Variants in RNF152 observed in about 807,000 individuals in gnomAD.
The protein encoded by RNF152 is ring finger protein 152, also known as E3 ubiquitin-protein ligase RNF152.
A neutral mutation model predicts 12.7 loss-of-function variants in RNF152; 11 were observed. The observed-to-expected ratio is 0.86, with a 90% CI of 0.54 to 1.43. RNF152 has a LOEUF of 1.43. Ranked by LOEUF, RNF152 falls within the 40% of genes most tolerant of loss-of-function variation. RNF152 has a pLI of 0.00. For missense variants in RNF152, 255 were observed against 274.8 expected (o/e 0.93, Z 0.51); for synonymous variants, 113 against 120.3 (o/e 0.94, Z 0.40).
chr18:61,823,418 C>T (rs1311353638), intron 1 of RNF152, among the ~76,000 whole-genome samples: 1 of 152,174 alleles, frequency 6.6e-6, no homozygotes, highest in African/African-American at 2.4e-5. Flanking sequence ...GCCTCAGCCT[C>T]CTGAGTAGCT....
At chr18:61,872,865 A>G (rs1912052392) in intron 1 of RNF152, among the ~76,000 whole-genome samples, 1 of 152,184 alleles carries the variant, frequency 6.6e-6, no homozygotes, top group South Asian at 2.1e-4. Flanking sequence ...AATTTTTAGT[A>G]TTTCATTTTT....
At position 61,816,137 on chromosome 18, in the gene RNF152, CTCCTTGGAGATGG is replaced by C; in HGVS notation, c.314_326del (p.Pro105ArgfsTer25). ...CCATGTCTCCGGGCAGCAGCGCACG[CTCCTTGGAGATGG>C]GCAGGGGCAGCATGTAGCACCCATT... On this transcript the variant is annotated frameshift_variant, in exon 2 of 2. Coordinates refer to ENST00000312828, the MANE Select transcript of RNF152 (RefSeq NM_173557.3). LOFTEE classifies it high-confidence loss of function. 6.2e-7 allele frequency: 1 copy of C among 1,614,214 alleles called. No homozygotes were observed. Among genetic ancestry groups the C allele is most frequent in the Admixed American group, 1.7e-5 (1 of 60,038 alleles).
chr18:61,846,767 T>C (rs936581286), intron 1 of RNF152, among the ~76,000 whole-genome samples: 1 of 152,162 alleles, frequency 6.6e-6, no homozygotes, highest in African/African-American at 2.4e-5. Flanking sequence ...ACTGCTCTCC[T>C]CACCTTCATT....
intron 1 of RNF152, among the ~76,000 whole-genome samples, chr18:61,855,789 G>A (rs991710964): frequency 3.9e-5 from 6 of 152,224 alleles, no homozygotes; most frequent in African/African-American, 1.4e-4. Context: ...CAAGTGGACA[G>A]AATGAGCCCA....
intron 1 of RNF152, among the ~76,000 whole-genome samples, chr18:61,817,950 G>A (rs1210212362): frequency 6.6e-6 from 1 of 152,028 alleles, no homozygotes; most frequent in Non-Finnish European, 1.5e-5. Context: ...AACCACTATT[G>A]CAGAAAAAAT....
rs551810502 is a variant in RNF152, at chr18:61,813,477, G to A, written c.*2375C>T. 9.2e-5 allele frequency: 14 copies of A among 152,240 alleles called. No individual in the cohort carries two copies. The Middle Eastern group carries it at 0.014, about 148-fold the overall frequency. The allele number at this position is 152,240 out of a possible 1,614,324, so 9.4% of individuals were successfully genotyped here. A position where few individuals can be genotyped will look rare whatever the true frequency, so the allele number is the denominator to read the frequency against. ...AAGGTCAAGAATCTACCATACAGCC[G>A]ATTAATTTTGCACTGCTTAATGGCA... On this transcript the variant is annotated 3_prime_UTR_variant, in exon 2 of 2. Transcript: ENST00000312828.
rs868515064 is a variant in RNF152 at position 61,872,179 on chromosome 18, G to A, written c.-136+20616C>T. Among the ~76,000 whole-genome samples, 22 of 152,234 alleles carry A rather than the reference G, an allele frequency of 1.4e-4. No individual in the cohort carries two copies. In the South Asian group the frequency reaches 1.9e-3, roughly 13 times the overall value. ...ATACACTTTTAAACAACTAGGTCTC[G>A]TGAGAACTCTATCAGGAGAACAGCA... On this transcript the variant is annotated intron_variant, in intron 1 of 1. Transcript: ENST00000312828.
chr18:61,844,742 C>T (rs1035806790), intron 1 of RNF152, among the ~76,000 whole-genome samples: 1 of 152,238 alleles, frequency 6.6e-6, no homozygotes, highest in East Asian at 1.9e-4. Flanking sequence ...GTGCTTAAAA[C>T]CTGTACCTCT....
chr18:61,868,556 A>G (rs562228043), intron 1 of RNF152, among the ~76,000 whole-genome samples: 2 of 152,260 alleles, frequency 1.3e-5, no homozygotes, highest in Admixed American at 1.3e-4. Context: ...TACAAAAATT[A>G]GCCGGGCGTC....
chr18:61,861,341 C>G (rs1911468832), intron 1 of RNF152, among the ~76,000 whole-genome samples: 1 of 152,146 alleles, frequency 6.6e-6, no homozygotes, highest in Non-Finnish European at 1.5e-5. Flanking sequence ...TAAACAAATA[C>G]TTATTGTGTG....
intron 1 of RNF152, among the ~76,000 whole-genome samples, chr18:61,851,146 T>C (rs1910957322): frequency 6.6e-6 from 1 of 151,976 alleles, no homozygotes; most frequent in Non-Finnish European, 1.5e-5. Context: ...ATAAACCATT[T>C]CAGGTCTTAC....
At chr18:61,817,336 G>A (rs1409986472) in intron 1 of RNF152, among the ~76,000 whole-genome samples, 1 of 152,176 alleles carries the variant, frequency 6.6e-6, no homozygotes, top group African/African-American at 2.4e-5. Flanking sequence ...AGTTCTTTTT[G>A]TTTCATTACT....
intron 1 of RNF152, among the ~76,000 whole-genome samples, chr18:61,843,544 A>G (rs1937696494): frequency 6.6e-6 from 1 of 152,240 alleles, no homozygotes; most frequent in African/African-American, 2.4e-5. Context: ...AAACATGGGA[A>G]AATACCCAAA....
intron 1 of RNF152, among the ~76,000 whole-genome samples, chr18:61,828,174 C>T (rs1040409559): frequency 3.3e-5 from 5 of 152,246 alleles, no homozygotes; most frequent in Non-Finnish European, 7.3e-5. Flanking sequence ...GTTCATACAT[C>T]TGCCCCTATC....
At chr18:61,845,622 G>A (rs1910711284) in intron 1 of RNF152, among the ~76,000 whole-genome samples, 1 of 152,146 alleles carries the variant, frequency 6.6e-6, no homozygotes, top group African/African-American at 2.4e-5. Flanking sequence ...AGACATCGAA[G>A]GGTTTATGTG....
chr18:61,873,152 CA>C (rs1390023793), intron 1 of RNF152, among the ~76,000 whole-genome samples: 1 of 152,124 alleles, frequency 6.6e-6, no homozygotes, highest in Non-Finnish European at 1.5e-5. Context: ...AAATACAGGG[CA>C]AAGACAGAAC....
Position 61,816,275 on chromosome 18 carries a change from G to A in RNF152, c.189C>T (p.Gly63=), listed in dbSNP as rs116886631. ...WCRGVTKLPP[G]FSVSQLPDDP... is the part of the protein sequence containing the mutation. The stretch of plus-strand genomic sequence containing the variant: ...CGTCCGGGAGCTGCGACACGGAGAA[G>A]CCGGGAGGCAGCTTGGTGACACCGC... The change falls in exon 2 of 2, where the codon GGC becomes GGT. Residue 63 remains glycine, a synonymous_variant. Transcript: ENST00000312828. The A allele has an allele frequency of 6.2e-7, 1 of 1,614,084 alleles. No individual in the cohort carries two copies. Among genetic ancestry groups the A allele is most frequent in the Non-Finnish European group, 8.5e-7 (1 of 1,180,032 alleles).
Position 61,813,223 on chromosome 18 carries a change from T to A in RNF152, c.*2629A>T, listed in dbSNP as rs1908892241. 1 of 151,356 alleles carries A rather than the reference T, an allele frequency of 6.6e-6. No individual in the cohort carries two copies. The highest frequency in any genetic ancestry group is 1.5e-5 in the Non-Finnish European group (1 of 68,046). 9.4% of individuals were successfully genotyped at this position (151,356 alleles called of 1,614,324 possible). A position where few individuals can be genotyped will look rare whatever the true frequency, so the allele number is the denominator to read the frequency against. ...GATGCCAAGCAACATTAAAACATCA[T>A]TAAGCCTATAAAATTCTATCTGGGA... is the stretch of plus-strand genomic sequence containing the variant. On this transcript the variant is annotated 3_prime_UTR_variant, in exon 2 of 2. Transcript: ENST00000312828.
intron 1 of RNF152, among the ~76,000 whole-genome samples, chr18:61,889,113 C>G (rs959107412): frequency 2.2e-4 from 33 of 152,272 alleles, no homozygotes; most frequent in African/African-American, 7.5e-4. Context: ...TGCTGGTCTC[C>G]AAGCTGCTCA....
Sources: allele counts gnomAD v4.1 joint callset (sites outside exome capture counted in the v4.1 genomes callset), GRCh38; gene constraint gnomAD v4.1.1; transcripts MANE v1.5; gene names NCBI Gene and HGNC (gene_info 2026-07-23, HGNC 2026-07-21).